TTC28: variants seen among roughly 807,000 people sequenced by gnomAD.
TTC28 encodes tetratricopeptide repeat domain 28.
A neutral mutation model predicts 198.0 loss-of-function variants in TTC28; 61 were observed. The observed-to-expected ratio is 0.31, with a 90% CI of 0.25 to 0.38. The LOEUF is 0.38. Among genes scored for constraint, TTC28 ranks in the 10% least tolerant of loss-of-function variants. TTC28 has a pLI of 1.00. For missense variants in TTC28, 2,678 were observed against 3,164.0 expected (o/e 0.85, Z 3.69); for synonymous variants, 1,171 against 1,297.8 (o/e 0.90, Z 2.10).
In TTC28 at chr22:28,163,366, G is replaced by A. The variant is rs554341818; in HGVS notation, c.1167C>T (p.Asn389=). 18 of 1,552,080 alleles carry A rather than the reference G, an allele frequency of 1.2e-5. No homozygotes were observed. The South Asian group carries it at 1.9e-4, about 16-fold the overall frequency. ...QHLKIAKDLG[N]KREEARAYSN... is the part of the protein sequence containing the mutation. ...TATAAGCCCGGGCCTCTTCTCGCTT[G>A]TTCCCCAGGTCCTTGGCTATCTTCA... The change falls in exon 6 of 23, where the codon AAC becomes AAT. Residue 389 remains asparagine (N), a synonymous_variant. Transcript: ENST00000397906.
intron 12 of TTC28, among the ~76,000 whole-genome samples, chr22:28,075,226 C>A (rs1019685400): frequency 2.0e-5 from 3 of 152,172 alleles, no homozygotes; most frequent in Admixed American, 6.5e-5. Flanking sequence ...CTGACTTACA[C>A]TAAGAAGCTT....
intron 2 of TTC28, among the ~76,000 whole-genome samples, chr22:28,520,125 C>T (rs1469482919): frequency 6.6e-6 from 1 of 152,040 alleles, no homozygotes; most frequent in Non-Finnish European, 1.5e-5. Context: ...TAGATGTGGT[C>T]TCATACAATC....
intron 6 of TTC28, among the ~76,000 whole-genome samples, chr22:28,139,704 CTT>C (rs568834881): frequency 2.1e-5 from 3 of 140,900 alleles, no homozygotes; most frequent in Non-Finnish European, 1.6e-5. Context: ...GCTGAAGTTC[CTT>C]TTTTTTTTTT....
At chr22:28,575,855 G>C (rs2050139200) in intron 2 of TTC28, among the ~76,000 whole-genome samples, 1 of 151,992 alleles carries the variant, frequency 6.6e-6, no homozygotes, top group African/African-American at 2.4e-5. Flanking sequence ...TGTTTATTTT[G>C]TATCCTGCAA....
At chr22:28,595,462 A>G (rs2050523491) in intron 2 of TTC28, among the ~76,000 whole-genome samples, 1 of 152,130 alleles carries the variant, frequency 6.6e-6, no homozygotes, top group Non-Finnish European at 1.5e-5. Flanking sequence ...AGCATTTTCT[A>G]TATTCCTTTA....
intron 5 of TTC28, among the ~76,000 whole-genome samples, chr22:28,256,817 T>C (rs1388926175): frequency 3.3e-5 from 5 of 152,304 alleles, no homozygotes; most frequent in South Asian, 4.1e-4. Flanking sequence ...AGTGGGAGCA[T>C]TGCTTGAGGC....
At chr22:28,202,926 G>A (rs1168195310) in intron 5 of TTC28, among the ~76,000 whole-genome samples, 2 of 151,962 alleles carry the variant, frequency 1.3e-5, no homozygotes, top group Non-Finnish European at 2.9e-5. Flanking sequence ...TACGGATACA[G>A]TTTATTCCTT....
intron 2 of TTC28, among the ~76,000 whole-genome samples, chr22:28,401,820 C>G (rs1349715522): frequency 1.3e-5 from 2 of 152,182 alleles, no homozygotes; most frequent in Non-Finnish European, 2.9e-5. Flanking sequence ...ACTAGGCTCA[C>G]AGGAGAGCAT....
chr22:28,470,771 T>C (rs1490004381), intron 2 of TTC28, among the ~76,000 whole-genome samples: 1 of 152,192 alleles, frequency 6.6e-6, no homozygotes, highest in African/African-American at 2.4e-5. Context: ...AACAGCCGTC[T>C]GAGAAGGCAA....
At chr22:28,403,501 T>C (rs554771005) in intron 2 of TTC28, among the ~76,000 whole-genome samples, 5 of 152,272 alleles carry the variant, frequency 3.3e-5, no homozygotes, top group African/African-American at 1.2e-4. Context: ...TTGCTAACAT[T>C]TATTCATGTT....
intron 2 of TTC28, among the ~76,000 whole-genome samples, chr22:28,412,693 T>C (rs942639191): frequency 2.6e-5 from 4 of 152,210 alleles, no homozygotes; most frequent in Admixed American, 2.6e-4. Flanking sequence ...AGTTTGTTAG[T>C]GTACTGTTCT....
chr22:28,271,409 A>C (rs1410940224), intron 5 of TTC28, among the ~76,000 whole-genome samples: 1 of 152,174 alleles, frequency 6.6e-6, no homozygotes, highest in Non-Finnish European at 1.5e-5. Context: ...TTCTTTATTA[A>C]TTATCCTCTC....
chr22:28,096,130 C>T (rs950854463), intron 11 of TTC28, 60 bp downstream of exon 11: 1 of 1,467,676 alleles, frequency 6.8e-7, no homozygotes, highest in Non-Finnish European at 9.0e-7. Flanking sequence ...CACCTCTATT[C>T]ATTAGACTTT....
intron 2 of TTC28, among the ~76,000 whole-genome samples, chr22:28,572,830 T>C (rs2050083923): frequency 6.6e-6 from 1 of 152,148 alleles, no homozygotes; most frequent in Non-Finnish European, 1.5e-5. Flanking sequence ...ATAAGTTTTA[T>C]GTACAGTTAT....
chr22:28,248,002 G>T (rs1271750930), intron 5 of TTC28, among the ~76,000 whole-genome samples: 1 of 152,170 alleles, frequency 6.6e-6, no homozygotes, highest in Non-Finnish European at 1.5e-5. Flanking sequence ...ATTGTGAATT[G>T]TTAACAAACA....
intron 5 of TTC28, among the ~76,000 whole-genome samples, chr22:28,245,678 T>A (rs1930036467): frequency 6.6e-6 from 1 of 152,212 alleles, no homozygotes; most frequent in Admixed American, 6.5e-5. Context: ...TGTTAAACAT[T>A]GTAGTCTTTC....
intron 2 of TTC28, among the ~76,000 whole-genome samples, chr22:28,508,889 A>T (rs1452688411): frequency 1.3e-5 from 2 of 152,038 alleles, no homozygotes; most frequent in Non-Finnish European, 2.9e-5. Flanking sequence ...CCTGATAGAG[A>T]TCTACAGAAC....
chr22:28,166,297 T>C (rs1347907977), intron 5 of TTC28, among the ~76,000 whole-genome samples: 1 of 152,144 alleles, frequency 6.6e-6, no homozygotes, highest in African/African-American at 2.4e-5. Context: ...TATCCAGGAA[T>C]TGAACTCAGC....
intron 2 of TTC28, among the ~76,000 whole-genome samples, chr22:28,628,379 ATGAAG>A (rs1475796913): frequency 8.5e-5 from 13 of 152,148 alleles, no homozygotes; most frequent in African/African-American, 1.7e-4. Context: ...GCTTACTTAT[ATGAAG>A]TGAAGTAATT....
Sources: gnomAD v4.1 joint callset for allele counts (sites outside exome capture counted in the v4.1 genomes callset) on GRCh38, gnomAD v4.1.1 for gene constraint, MANE v1.5 for transcripts, NCBI Gene and HGNC (gene_info 2026-07-23, HGNC 2026-07-21) for gene names.